Variants in CFAP20DC observed in about 807,000 individuals in gnomAD.
CFAP20DC encodes the protein CFAP20 domain containing.
Under a neutral mutation model 101.7 loss-of-function variants are expected in CFAP20DC, and 84 were observed. The ratio of observed to expected loss-of-function variants is 0.83; its 90% CI spans 0.69 to 0.99. The LOEUF is 0.99. Ranked by LOEUF, CFAP20DC falls within the 50% of genes least tolerant of loss-of-function variation. The probability of loss-of-function intolerance (pLI) is 0.00; values close to 1 mark genes in which losing one functional copy is unlikely to be tolerated. For synonymous variants in CFAP20DC, 359 were observed against 351.2 expected (o/e 1.02, Z -0.25); for missense variants, 1,007 against 970.3 (o/e 1.04, Z -0.50).
At chr3:59,004,201 A>C (rs2093378565) in intron 4 of CFAP20DC, among the ~76,000 whole-genome samples, 1 of 152,194 alleles carries the variant, frequency 6.6e-6, no homozygotes, top group Non-Finnish European at 1.5e-5. Context: ...AACCTGGATC[A>C]ATTCCTGATG....
At chr3:58,814,760 G>C (rs976615532) in intron 14 of CFAP20DC, among the ~76,000 whole-genome samples, 4 of 150,794 alleles carry the variant, frequency 2.7e-5, no homozygotes, top group African/African-American at 9.9e-5. Flanking sequence ...ATTCACAATT[G>C]CTTCAAAGAG....
chr3:58,809,270 C>T (rs984028520), intron 14 of CFAP20DC, among the ~76,000 whole-genome samples: 6 of 152,052 alleles, frequency 3.9e-5, no homozygotes, highest in East Asian at 1.9e-4. Context: ...CACCACACCA[C>T]ACCTATTCCA....
intron 6 of CFAP20DC, among the ~76,000 whole-genome samples, chr3:58,891,029 C>T (rs1322151260): frequency 4.9e-4 from 72 of 147,728 alleles, no homozygotes; most frequent in Non-Finnish European, 8.5e-4. Flanking sequence ...GGGTGGCGGC[C>T]GGGCAGAGGC....
At chr3:58,849,000 C>A in intron 13 of CFAP20DC, 32 bp downstream of exon 13, 1 of 1,523,498 alleles carries the variant, frequency 6.6e-7, no homozygotes, top group South Asian at 1.2e-5. Flanking sequence ...GATGTATTGC[C>A]GGCATCTGTA....
At chr3:59,013,281 G>A (rs541045681) in intron 4 of CFAP20DC, among the ~76,000 whole-genome samples, 22 of 152,234 alleles carry the variant, frequency 1.4e-4, no homozygotes, top group East Asian at 3.9e-4. Context: ...ATGGAGGAGC[G>A]TTTGTCACAG....
At chr3:58,852,091 T>A (rs2078293872) in intron 12 of CFAP20DC, among the ~76,000 whole-genome samples, 1 of 152,114 alleles carries the variant, frequency 6.6e-6, no homozygotes, top group African/African-American at 2.4e-5. Context: ...TGGTCCACTT[T>A]TGCTTTGACT....
chr3:58,992,415 T>A, intron 4 of CFAP20DC: 1 of 232,460 alleles, frequency 4.3e-6, no homozygotes, highest in Non-Finnish European at 7.1e-6. Flanking sequence ...GAGTGGCATA[T>A]GGCCCTAACT....
intron 4 of CFAP20DC, among the ~76,000 whole-genome samples, chr3:58,948,426 T>C (rs2089647401): frequency 6.6e-6 from 1 of 152,246 alleles, no homozygotes; most frequent in South Asian, 2.1e-4. Flanking sequence ...TTACTGAATT[T>C]TTTCATTCCC....
At chr3:58,997,801 T>G (rs899405121) in intron 4 of CFAP20DC, among the ~76,000 whole-genome samples, 3 of 152,220 alleles carry the variant, frequency 2.0e-5, no homozygotes, top group South Asian at 4.2e-4. Context: ...TGTACACTAA[T>G]GAGATACAGG....
At chr3:59,023,349 C>T (rs1478351323) in intron 4 of CFAP20DC, among the ~76,000 whole-genome samples, 2 of 152,040 alleles carry the variant, frequency 1.3e-5, no homozygotes, top group Non-Finnish European at 2.9e-5. Context: ...TAATCATGTA[C>T]ACAATTGTGA....
intron 4 of CFAP20DC, among the ~76,000 whole-genome samples, chr3:59,036,861 A>T (rs945287834): frequency 4.6e-5 from 7 of 152,352 alleles, no homozygotes; most frequent in African/African-American, 1.4e-4. Context: ...TGGAGGCATC[A>T]TGCTACCTGA....
intron 14 of CFAP20DC, among the ~76,000 whole-genome samples, chr3:58,815,261 G>C (rs2075021135): frequency 6.6e-6 from 1 of 151,088 alleles, no homozygotes; most frequent in Admixed American, 6.6e-5. Flanking sequence ...ATGGGGAAAG[G>C]ATTCCCTATT....
At chr3:58,770,483 T>TAGTC (rs1412045572) in intron 15 of CFAP20DC, among the ~76,000 whole-genome samples, 1 of 152,150 alleles carries the variant, frequency 6.6e-6, no homozygotes, top group Non-Finnish European at 1.5e-5. Flanking sequence ...GAACCTCTTA[T>TAGTC]AGTCAGGAGA....
In CFAP20DC at chr3:58,742,576, T is replaced by C; in HGVS notation, c.2333-4A>G. Reference sequence around the variant, plus strand: ...TCCACACTGAGGTCTTCTTCACCTGTGGGGAAGGGGAACCACAGACACATT... The same window carrying C: ...TCCACACTGAGGTCTTCTTCACCTGCGGGGAAGGGGAACCACAGACACATT... On this transcript the variant is annotated splice_region_variant and splice_polypyrimidine_tract_variant and intron_variant, in intron 16 of 16. Coordinates refer to ENST00000482387, the MANE Select transcript of CFAP20DC (RefSeq NM_001394063.1). 6.3e-7 allele frequency: 1 copy of C among 1,594,570 alleles called. No individual in the cohort carries two copies. Among genetic ancestry groups the C allele is most frequent in the Non-Finnish European group, 8.6e-7 (1 of 1,169,352 alleles).
At chr3:58,807,105 C>T (rs1352281457) in intron 14 of CFAP20DC, among the ~76,000 whole-genome samples, 1 of 152,172 alleles carries the variant, frequency 6.6e-6, no homozygotes, top group South Asian at 2.1e-4. Flanking sequence ...CTCAAGGAGG[C>T]CTGCCTGCCT....
rs552356974 is a variant in CFAP20DC, at chr3:58,879,008, C to T, written c.715+5537G>A. Among the ~76,000 whole-genome samples, 36 of 143,968 alleles carry T rather than the reference C, an allele frequency of 2.5e-4. 1 individual carries two copies. The highest frequency in any genetic ancestry group is 1.7e-3 in the Admixed American group (24 of 14,244). 94.4% of individuals were successfully genotyped at this position (143,968 alleles called of 152,430 possible). A position where few individuals can be genotyped will look rare whatever the true frequency, so the allele number is the denominator to read the frequency against. On this transcript the variant is annotated intron_variant, in intron 7 of 16. Coordinates refer to ENST00000482387, the MANE Select transcript of CFAP20DC (RefSeq NM_001394063.1). ...GGGCAACAGAGCGAGACTTCGTCTCCGAAAAAAAAAAAAAACAAAAGAATG... is the reference window on the plus strand; with the variant it reads ...GGGCAACAGAGCGAGACTTCGTCTCTGAAAAAAAAAAAAAACAAAAGAATG...
intron 4 of CFAP20DC, among the ~76,000 whole-genome samples, chr3:59,031,503 G>A (rs1255148722): frequency 6.6e-6 from 1 of 152,144 alleles, no homozygotes; most frequent in Non-Finnish European, 1.5e-5. Flanking sequence ...TCTTGAAAAT[G>A]CTTTTTCTGC....
chr3:58,784,108 G>GA (rs1203923585), intron 15 of CFAP20DC, among the ~76,000 whole-genome samples: 11 of 151,708 alleles, frequency 7.3e-5, no homozygotes, highest in Non-Finnish European at 1.5e-4. Flanking sequence ...GCAGCAGTGT[G>GA]ATCTTGTTGC....
intron 4 of CFAP20DC, among the ~76,000 whole-genome samples, chr3:59,011,011 G>C (rs1046555777): frequency 3.9e-5 from 6 of 152,128 alleles, no homozygotes; most frequent in Non-Finnish European, 7.4e-5. Flanking sequence ...CTTTCAACTG[G>C]ACTATAATAG....
Sources: allele counts gnomAD v4.1 joint callset (sites outside exome capture counted in the v4.1 genomes callset), GRCh38; gene constraint gnomAD v4.1.1; transcripts MANE v1.5; gene names NCBI Gene and HGNC (gene_info 2026-07-23, HGNC 2026-07-21).